MARCHF10: variants seen among roughly 807,000 people sequenced by gnomAD.
MARCHF10 encodes the protein membrane associated ring-CH-type finger 10, also known as probable E3 ubiquitin-protein ligase MARCHF10.
In MARCHF10, 64 loss-of-function variants were observed where a neutral mutation model predicts 76.2. The ratio of observed to expected loss-of-function variants is 0.84; its 90% CI spans 0.69 to 1.03. The LOEUF is 1.03. Ranked by LOEUF, MARCHF10 falls within the 50% of genes least tolerant of loss-of-function variation. MARCHF10 has a pLI of 0.00. For missense variants in MARCHF10, 875 were observed against 958.0 expected, an observed-to-expected ratio of 0.91 and a Z score of 1.14; for synonymous variants, 340 against 357.5, an observed-to-expected ratio of 0.95 and a Z score of 0.55.
In MARCHF10 at chr17:62,737,314, T is replaced by G. The variant is rs2091316608; in HGVS notation, c.554A>C (p.Glu185Ala). 1.2e-6 allele frequency: 2 copies of G among 1,609,384 alleles called. No homozygotes were observed. The highest frequency in any genetic ancestry group is 1.7e-6 in the Non-Finnish European group (2 of 1,179,056). ...CAGCTTAGTGTTACACATCAGGCCT[T>G]CTTGTTGAACTACTTGATCTGCATT... ...PRGADQVVQQ[E>A]GLMCNTKLKR... The change falls in exon 6 of 11, where the codon GAA becomes GCA. Residue 185 changes from glutamate to alanine, a missense_variant. Transcript: ENST00000311269.
At chr17:62,788,683 C>A in intron 2 of MARCHF10, 84 bp from the exon 3 acceptor site, 1 of 1,561,578 alleles carries the variant, frequency 6.4e-7, no homozygotes, top group Non-Finnish European at 8.7e-7. Flanking sequence ...TGGTGAGGAG[C>A]ATGAAATAAA....
intron 4 of MARCHF10, among the ~76,000 whole-genome samples, chr17:62,748,819 A>G (rs1443361013): frequency 6.6e-6 from 1 of 152,220 alleles, no homozygotes; most frequent in Non-Finnish European, 1.5e-5. Flanking sequence ...ATCAAATTTC[A>G]GACCTTTGGG....
intron 3 of MARCHF10, among the ~76,000 whole-genome samples, chr17:62,769,432 G>GTT (rs1215239317): frequency 6.6e-6 from 1 of 152,032 alleles, no homozygotes; most frequent in African/African-American, 2.4e-5. Flanking sequence ...TTGTTTGTTT[G>GTT]TTTGAGACAG....
intron 4 of MARCHF10, among the ~76,000 whole-genome samples, chr17:62,751,968 C>T (rs568153645): frequency 2.0e-5 from 3 of 151,494 alleles, no homozygotes; most frequent in South Asian, 2.1e-4. Flanking sequence ...TTCAGTGAGC[C>T]GCGATCGGGC....
intron 3 of MARCHF10, among the ~76,000 whole-genome samples, chr17:62,761,727 A>G (rs1202752775): frequency 6.6e-6 from 1 of 152,184 alleles, no homozygotes; most frequent in East Asian, 1.9e-4. Flanking sequence ...TGGCTAAAAC[A>G]TTAGGTCATT....
Position 62,746,991 on chromosome 17 carries a change from C to A in MARCHF10, c.383-2463G>T, listed in dbSNP as rs542081803. 122 of 1,528,622 alleles carry A rather than the reference C, an allele frequency of 8.0e-5. No individual in the cohort carries two copies. The African/African-American group carries it at 1.4e-3, about 17-fold the overall frequency. 94.7% of individuals were successfully genotyped at this position (1,528,622 alleles called of 1,614,324 possible). A position where few individuals can be genotyped will look rare whatever the true frequency, so the allele number is the denominator to read the frequency against. On this transcript the variant is annotated intron_variant, in intron 4 of 10. Transcript: ENST00000311269. ...GGCTCTGACTCTGCTTTGGAAAAAA[C>A]CCTTACTTTCAGCGTTTTTAAAAAA... is the stretch of plus-strand genomic sequence containing the variant.
intron 3 of MARCHF10, among the ~76,000 whole-genome samples, chr17:62,774,186 A>C (rs954963309): frequency 1.3e-5 from 2 of 152,058 alleles, no homozygotes; most frequent in African/African-American, 4.8e-5. Context: ...TTGGAGATGA[A>C]ATTCTTTTGG....
intron 3 of MARCHF10, among the ~76,000 whole-genome samples, chr17:62,783,605 T>G (rs2092699634): frequency 6.6e-6 from 1 of 151,652 alleles, no homozygotes; most frequent in South Asian, 2.1e-4. Flanking sequence ...TTTGAAAAGA[T>G]CAACAAAATT....
chr17:62,760,960 C>G (rs80082159), intron 3 of MARCHF10, among the ~76,000 whole-genome samples: 2,795 of 152,290 alleles, frequency 0.018, 39 homozygotes, highest in Non-Finnish European at 0.026. Flanking sequence ...AAATTAACAT[C>G]CCTGGTACCT....
At chr17:62,789,087 A>C (rs866062292) in intron 2 of MARCHF10, among the ~76,000 whole-genome samples, 48 of 150,928 alleles carry the variant, frequency 3.2e-4, no homozygotes, top group African/African-American at 1.1e-3. Flanking sequence ...AAAAAAAAAA[A>C]AAAAAAACGC....
At chr17:62,705,860 C>A (rs1207491003) in intron 9 of MARCHF10, among the ~76,000 whole-genome samples, 1 of 152,184 alleles carries the variant, frequency 6.6e-6, no homozygotes, top group African/African-American at 2.4e-5. Context: ...AGCAATTGAT[C>A]TGAATAGCAG....
chr17:62,726,948 G>A (rs1372940896), intron 6 of MARCHF10, among the ~76,000 whole-genome samples: 1 of 152,090 alleles, frequency 6.6e-6, no homozygotes, highest in East Asian at 1.9e-4. Flanking sequence ...TTTTAATTTA[G>A]GCAACTACAC....
chr17:62,795,102 A>C, intron 2 of MARCHF10: 1 of 977,462 alleles, frequency 1.0e-6, no homozygotes, highest in South Asian at 4.7e-5. Flanking sequence ...CAGCTCCCTG[A>C]GTGGACAACT....
Position 62,736,359 on chromosome 17 carries a change from T to A in MARCHF10, c.1509A>T (p.Gly503=). Residue 503 remains glycine (G), a synonymous_variant, in exon 6 of 11, where the codon GGA becomes GGT. Transcript: ENST00000311269. The part of the protein sequence containing the change: ...STSVHSSDSE[G]NSGFHVCQPL... ...GTTGGCAAACATGAAACCCTGAGTT[T>A]CCCTCTGAGTCTGAGCTGTGAACTG... 6.2e-7 allele frequency: 1 copy of A among 1,614,194 alleles called. No individual in the cohort carries two copies. Among genetic ancestry groups the A allele is most frequent in the Middle Eastern group, 1.6e-4 (1 of 6,062 alleles).
chr17:62,793,578 A>C (rs1234504179), intron 2 of MARCHF10, among the ~76,000 whole-genome samples: 25 of 55,322 alleles, frequency 4.5e-4, no homozygotes, highest in South Asian at 6.0e-4. Context: ...CCACCACCAC[A>C]ACCATCACCA....
intron 7 of MARCHF10, among the ~76,000 whole-genome samples, chr17:62,723,589 A>G (rs1299112210): frequency 1.4e-5 from 1 of 69,098 alleles, no homozygotes; most frequent in African/African-American, 1.0e-4. Flanking sequence ...AGCGTCATTC[A>G]GTAACGCTTT....
chr17:62,749,797 T>C (rs145088033), intron 4 of MARCHF10, among the ~76,000 whole-genome samples: 1,597 of 152,332 alleles, frequency 0.01, 30 homozygotes, highest in African/African-American at 0.037. Context: ...GAATGGGTTT[T>C]GGTTCCAGTG....
At chr17:62,778,696 A>AAAT (rs2092599802) in intron 3 of MARCHF10, among the ~76,000 whole-genome samples, 1 of 151,896 alleles carries the variant, frequency 6.6e-6, no homozygotes, top group African/African-American at 2.4e-5. Flanking sequence ...AAAAAAAAAA[A>AAAT]AAAAAAATCC....
intron 1 of MARCHF10, among the ~76,000 whole-genome samples, chr17:62,804,384 CAG>C (rs1240378467): frequency 1.3e-5 from 2 of 152,000 alleles, no homozygotes; most frequent in African/African-American, 2.4e-5. Flanking sequence ...AAAGAGGACA[CAG>C]GGACAAAACC....
Sources: allele counts gnomAD v4.1 joint callset (sites outside exome capture counted in the v4.1 genomes callset), GRCh38; gene constraint gnomAD v4.1.1; transcripts MANE v1.5; gene names NCBI Gene and HGNC (gene_info 2026-07-23, HGNC 2026-07-21).